RRBP1: variants seen among roughly 807,000 people sequenced by gnomAD.
The protein encoded by RRBP1 is ribosome binding protein 1, also known as ribosome-binding protein 1.
RRBP1 carries 94 observed loss-of-function variants against 165.2 expected under a neutral mutation model. The ratio of observed to expected loss-of-function variants is 0.57; its 90% CI spans 0.48 to 0.68. The LOEUF is 0.68. Among genes scored for constraint, RRBP1 ranks in the 30% least tolerant of loss-of-function variants. RRBP1 has a pLI of 0.00. For missense variants in RRBP1, 1,676 were observed against 1,763.0 expected (o/e 0.95, Z 0.88); for synonymous variants, 680 against 714.5 (o/e 0.95, Z 0.77).
chr20:17,641,769 A>T (rs371957155), intron 5 of RRBP1, 28 bp downstream of exon 5: 1 of 1,609,906 alleles, frequency 6.2e-7, no homozygotes, highest in Non-Finnish European at 8.5e-7. Flanking sequence ...GAGAGGACAA[A>T]CCATCTCCGA....
At chr20:17,652,805 C>G (rs2036581609) in intron 3 of RRBP1, among the ~76,000 whole-genome samples, 1 of 152,200 alleles carries the variant, frequency 6.6e-6, no homozygotes, top group African/African-American at 2.4e-5. Flanking sequence ...CGTGTCTCAT[C>G]CGGGCTTGCT....
At chr20:17,652,788 G>C (rs188692523) in intron 3 of RRBP1, among the ~76,000 whole-genome samples, 492 of 152,330 alleles carry the variant, frequency 3.2e-3, no homozygotes, top group Admixed American at 5.8e-3. Context: ...AGGAACCCAC[G>C]GTCTAACGTG....
intron 2 of RRBP1, among the ~76,000 whole-genome samples, chr20:17,661,504 C>A (rs2036765916): frequency 6.6e-6 from 1 of 152,168 alleles, no homozygotes; most frequent in African/African-American, 2.4e-5. Flanking sequence ...GGACCAAAGT[C>A]CAATGGGTCA....
chr20:17,667,169 G>A (rs2036887863), intron 2 of RRBP1, among the ~76,000 whole-genome samples: 1 of 152,166 alleles, frequency 6.6e-6, no homozygotes, highest in Non-Finnish European at 1.5e-5. Flanking sequence ...CATAGTTTGT[G>A]TACAGGTAGG....
At position 17,618,621 on chromosome 20, in the gene RRBP1, T is replaced by C; in HGVS notation, c.3734A>G (p.Gln1245Arg). 6.2e-7 allele frequency: 1 copy of C among 1,614,042 alleles called. No homozygotes were observed. Residue 1245 changes from glutamine (Q) to arginine (R), a missense_variant, in exon 20 of 25, where the codon CAG (glutamine) becomes CGG (arginine). Coordinates refer to ENST00000377813, the MANE Select transcript of RRBP1 (RefSeq NM_001365613.2). The part of the protein sequence containing the change: ...SQLDAAKSEA[Q>R]KQSDELALVR... ...CAGGGCAAGCTCATCGCTCTGTTTC[T>C]GGGCTTCGCTCTTGGCGGCATCGAG...
At chr20:17,671,127 T>C (rs2036969612) in intron 2 of RRBP1, among the ~76,000 whole-genome samples, 1 of 152,248 alleles carries the variant, frequency 6.6e-6, no homozygotes, top group Non-Finnish European at 1.5e-5. Flanking sequence ...GAACTTTTCA[T>C]GTCTACAAGT....
At chr20:17,638,634 G>A (rs1212666098) in intron 5 of RRBP1, among the ~76,000 whole-genome samples, 1 of 152,152 alleles carries the variant, frequency 6.6e-6, no homozygotes, top group East Asian at 1.9e-4. Flanking sequence ...AGAGCTCAGA[G>A]ACCCAGGGTT....
chr20:17,668,734 C>T (rs1029709231), intron 2 of RRBP1, among the ~76,000 whole-genome samples: 3 of 152,200 alleles, frequency 2.0e-5, no homozygotes, highest in African/African-American at 7.2e-5. Flanking sequence ...GTTCCCATTC[C>T]CAGTCTCAGA....
At chr20:17,662,991 C>A (rs905411011) in intron 2 of RRBP1, among the ~76,000 whole-genome samples, 1 of 152,090 alleles carries the variant, frequency 6.6e-6, no homozygotes, top group Non-Finnish European at 1.5e-5. Flanking sequence ...ACCCAGGCAA[C>A]ATAGTGAGAC....
intron 7 of RRBP1, 38 bp from the exon 8 acceptor site, chr20:17,633,651 AG>A (rs764692414): frequency 6.2e-7 from 1 of 1,606,138 alleles, no homozygotes; most frequent in African/African-American, 1.3e-5. Flanking sequence ...TGGAAAGAAA[AG>A]GGTGATGGGA....
intron 19 of RRBP1, 78 bp downstream of exon 19, chr20:17,619,555 C>A (rs1184628915): frequency 1.9e-6 from 2 of 1,043,538 alleles, no homozygotes; most frequent in Non-Finnish European, 2.8e-6. Context: ...GCTGCTCCCA[C>A]AGGGCTGAGG....
intron 11 of RRBP1, 43 bp from the exon 12 acceptor site, chr20:17,625,645 T>C (rs750029937): frequency 1.9e-5 from 29 of 1,508,794 alleles, no homozygotes; most frequent in South Asian, 1.8e-4. Context: ...TCCAAGGGGC[T>C]ACAGCCCCTA....
intron 8 of RRBP1, 39 bp from the exon 9 acceptor site, chr20:17,630,000 A>G (rs769704543): frequency 6.3e-7 from 1 of 1,576,544 alleles, no homozygotes; most frequent in Non-Finnish European, 8.6e-7. Context: ...GAAGACGTGG[A>G]AGGACCAGGC....
Position 17,620,349 on chromosome 20 carries a change from G to C in RRBP1, c.3529C>G (p.Leu1177Val), listed in dbSNP as rs1474545970. The C allele has an allele frequency of 1.2e-6, 2 of 1,613,820 alleles. No individual in the cohort carries two copies. Among genetic ancestry groups the C allele is most frequent in the Admixed American group, 3.3e-5 (2 of 60,022 alleles). ...TTTAGCTTCTCTACAATCTCTTCGA[G>C]ATGCTTCACTGTGACCCGGGACTAC... is the stretch of plus-strand genomic sequence containing the variant. ...LQKSRVTVKH[L>V]EEIVEKLKGE... The change falls in exon 18 of 25, where the codon CTC becomes GTC. Residue 1177 changes from leucine (L) to valine (V), a missense_variant. Leu to Val is a conservative substitution (Grantham distance 32). Coordinates refer to ENST00000377813, the MANE Select transcript of RRBP1 (RefSeq NM_001365613.2).
chr20:17,657,087 A>G (rs760809250), intron 3 of RRBP1, among the ~76,000 whole-genome samples: 2 of 152,266 alleles, frequency 1.3e-5, no homozygotes, highest in Non-Finnish European at 2.9e-5. Flanking sequence ...AGCTGTGGAC[A>G]TGCCTGATGT....
At chr20:17,657,612 A>C (rs1287967960) in intron 3 of RRBP1, among the ~76,000 whole-genome samples, 1 of 152,084 alleles carries the variant, frequency 6.6e-6, no homozygotes, top group Non-Finnish European at 1.5e-5. Flanking sequence ...AGGAAAGGAG[A>C]GGAGAGGAGA....
rs562218008 is a variant in RRBP1, at chr20:17,630,108, G to A, written c.2611-147C>T. 3.6e-5 allele frequency: 31 copies of A among 859,474 alleles called. 1 individual carries two copies. The highest frequency in any genetic ancestry group is 5.7e-4 in the Middle Eastern group (2 of 3,506). The allele number at this position is 859,474 out of a possible 1,614,324, so 53.2% of individuals were successfully genotyped here. On this transcript the variant is annotated intron_variant, in intron 8 of 24. Coordinates refer to ENST00000377813, the MANE Select transcript of RRBP1 (RefSeq NM_001365613.2). ...GTGGGAAGGAAATGCATCCCTCGAG[G>A]CTCTAGAACCCGCACAGGCTTCACT...
At chr20:17,663,153 G>A (rs569707982) in intron 2 of RRBP1, among the ~76,000 whole-genome samples, 4 of 152,158 alleles carry the variant, frequency 2.6e-5, no homozygotes, top group African/African-American at 7.2e-5. Context: ...GGTCTTTACC[G>A]AGTCGCGATT....
intron 3 of RRBP1, among the ~76,000 whole-genome samples, chr20:17,656,174 G>GA (rs1269915211): frequency 6.6e-6 from 1 of 152,228 alleles, no homozygotes; most frequent in East Asian, 1.9e-4. Context: ...AACGAAAATA[G>GA]AAAGTCCAAG....
Sources: allele counts gnomAD v4.1 joint callset (sites outside exome capture counted in the v4.1 genomes callset), GRCh38; gene constraint gnomAD v4.1.1; transcripts MANE v1.5; gene names NCBI Gene and HGNC (gene_info 2026-07-23, HGNC 2026-07-21).